The following UBTF variants were observed in gnomAD, a reference collection of about 807,000 sequenced individuals.
UBTF encodes the protein upstream binding transcription factor.
UBTF carries 8 observed loss-of-function variants against 112.3 expected under a neutral mutation model. That is an observed-to-expected ratio of 0.07 (90% CI 0.04 to 0.13). The LOEUF is 0.13. Among genes scored for constraint, UBTF ranks in the 10% least tolerant of loss-of-function variants. UBTF has a pLI of 1.00. For missense variants in UBTF, 457 were observed against 982.1 expected (o/e 0.47, Z 7.15); for synonymous variants, 417 against 373.1 (o/e 1.12, Z -1.36).
At chr17:44,208,861 C>G (rs937829511) in intron 17 of UBTF, 4 of 311,168 alleles carry the variant, frequency 1.3e-5, no homozygotes, top group African/African-American at 4.6e-5. Context: ...GTTACTTAAC[C>G]TCTCTGAGCC....
At position 44,210,912 on chromosome 17, in the gene UBTF, G is replaced by A; in HGVS notation, c.1239C>T (p.Ala413=). 1 of 1,606,594 alleles carries A rather than the reference G, an allele frequency of 6.2e-7. No homozygotes were observed. Among genetic ancestry groups the A allele is most frequent in the Non-Finnish European group, 8.5e-7 (1 of 1,178,018 alleles). Residue 413 remains alanine (A), a synonymous_variant, in exon 13 of 21, where the codon GCC becomes GCT. Transcript: ENST00000436088. ...GTTTCTCCTCCGAGAAGATGAACATGGCCGACACGGGCCGCTTGGGCTTCT... is the reference window on the plus strand; with the variant it reads ...GTTTCTCCTCCGAGAAGATGAACATAGCCGACACGGGCCGCTTGGGCTTCT... The part of the protein sequence containing the change: ...GSEKPKRPVS[A]MFIFSEEKRR...
intron 8 of UBTF, 68 bp from the exon 9 acceptor site, chr17:44,212,074 G>T: frequency 6.5e-7 from 1 of 1,545,136 alleles, no homozygotes; most frequent in Non-Finnish European, 8.8e-7. Context: ...GGCAGGGGGA[G>T]AGCCGCTGGG....
At chr17:44,208,038 C>T in intron 17 of UBTF, 127 bp from the exon 18 acceptor site, 5 of 1,227,560 alleles carry the variant, frequency 4.1e-6, no homozygotes, top group Non-Finnish European at 5.7e-6. Flanking sequence ...CTCCCAGGCT[C>T]CCTAGATTTT....
In UBTF at chr17:44,211,435, G is replaced by T; in HGVS notation, c.1048-104C>A. ...TTCAGCGGGCCTCCAGAGCCTGGGT[G>T]TGGGCTGGACTCCCTGCCTGGACGG... On this transcript the variant is annotated intron_variant, in intron 10 of 20. Transcript: ENST00000436088. This position sits in a 1 kb window ranked among gnomAD's most constrained non-coding sequence, Gnocchi z 4.9. 1 of 1,575,508 alleles carries T rather than the reference G, an allele frequency of 6.3e-7. No homozygotes were observed.
At position 44,211,835 on chromosome 17, in the gene UBTF, G is replaced by C; in HGVS notation, c.905+38C>G. 6.2e-7 allele frequency: 1 copy of C among 1,604,840 alleles called. No homozygotes were observed. Among genetic ancestry groups the C allele is most frequent in the Non-Finnish European group, 8.5e-7 (1 of 1,175,798 alleles). On this transcript the variant is annotated intron_variant, in intron 9 of 20. Coordinates refer to ENST00000436088, the MANE Select transcript of UBTF (RefSeq NM_014233.4). This position sits in a 1 kb window ranked among gnomAD's most constrained non-coding sequence, Gnocchi z 4.9. ...CTGCAGAGCCCAGCCCAACTTCCCA[G>C]CTGCCCACTCGCCCACCCATCCCAG...
At position 44,207,088 on chromosome 17, in the gene UBTF, T is replaced by C. The variant is rs1337776894; in HGVS notation, c.*154A>G. 5 of 863,618 alleles carry C rather than the reference T, an allele frequency of 5.8e-6. No individual in the cohort carries two copies. In the East Asian group the frequency reaches 1.1e-4, roughly 18 times the overall value. The allele number at this position is 863,618 out of a possible 1,614,324, so 53.5% of individuals were successfully genotyped here. On this transcript the variant is annotated 3_prime_UTR_variant, in exon 21 of 21. Transcript: ENST00000436088. Reference sequence around the variant, plus strand: ...CCTGGCCTGGGCTCCTCCAGCCCCCTACCCCCACCGTATTTTTTTTTTTTT... The same window carrying C: ...CCTGGCCTGGGCTCCTCCAGCCCCCCACCCCCACCGTATTTTTTTTTTTTT...
At position 44,211,131 on chromosome 17, in the gene UBTF, G is replaced by C. The variant is rs1309425864; in HGVS notation, c.1111C>G (p.Gln371Glu). Residue 371 changes from glutamine to glutamate, a missense_variant, in exon 12 of 21, where the codon CAG becomes GAG. Around this residue, in one of 7 missense-constraint regions of UBTF, gnomAD observed 87 missense variants for 286.6 expected, o/e 0.30. Coordinates refer to ENST00000436088, the MANE Select transcript of UBTF (RefSeq NM_014233.4). The surrounding 1 kb of genome is among the most constrained non-coding windows in gnomAD (Gnocchi z 4.9). ...ATCTTCTCTTCCCCCAAGACCCGCT[G>C]CTGCTCCTCCTCAGGCAGGCTCTGG... ...FLESLPEEEQQRVLGEEKMLN... is the reference protein window; with the variant it reads ...FLESLPEEEQERVLGEEKMLN... 6.2e-7 allele frequency: 1 copy of C among 1,613,204 alleles called. No homozygotes were observed.
intron 17 of UBTF, among the ~76,000 whole-genome samples, 163 bp from the exon 18 acceptor site, chr17:44,208,074 T>TC: frequency 6.7e-6 from 1 of 149,500 alleles, no homozygotes; most frequent in Admixed American, 6.7e-5. Flanking sequence ...GCCCCTGGGA[T>TC]CTGAGAACAC....
At position 44,207,114 on chromosome 17, in the gene UBTF, TTA is replaced by T; in HGVS notation, c.*126_*127del. The stretch of plus-strand genomic sequence containing the variant: ...ACCCCCACCGTATTTTTTTTTTTTT[TTA>T]AAGAAAGAAAGAAAGTGGGGGAGGC... On this transcript the variant is annotated 3_prime_UTR_variant, in exon 21 of 21. Coordinates refer to ENST00000436088, the MANE Select transcript of UBTF (RefSeq NM_014233.4). 2.0e-5 allele frequency: 21 copies of T among 1,053,592 alleles called. No homozygotes were observed. The highest frequency in any genetic ancestry group is 2.8e-5 in the Non-Finnish European group (21 of 745,038). 65.3% of individuals were successfully genotyped at this position (1,053,592 alleles called of 1,614,324 possible).
rs745330705 is a variant in UBTF at position 44,212,486 on chromosome 17, G to A, written c.661-32C>T. The A allele has an allele frequency of 1.1e-5, 8 of 723,684 alleles. No homozygotes were observed. In the East Asian group the frequency reaches 3.2e-4, roughly 29 times the overall value. The allele number at this position is 723,684 out of a possible 1,614,324, so 44.8% of individuals were successfully genotyped here. A position where few individuals can be genotyped will look rare whatever the true frequency, so the allele number is the denominator to read the frequency against. On this transcript the variant is annotated intron_variant, in intron 7 of 20. Coordinates refer to ENST00000436088, the MANE Select transcript of UBTF (RefSeq NM_014233.4). Reference sequence around the variant, plus strand: ...ACCAAAAGCCGTCAGACACGCACAGGCAGCCAGGGGCAGGGGGAGGGGGGA... The same window carrying A: ...ACCAAAAGCCGTCAGACACGCACAGACAGCCAGGGGCAGGGGGAGGGGGGA...
chr17:44,207,060 A>G lies in UBTF; in HGVS notation c.*182T>C. The G allele has an allele frequency of 1.5e-6, 1 of 650,836 alleles. No homozygotes were observed. Among genetic ancestry groups the G allele is most frequent in the South Asian group, 2.0e-5 (1 of 50,092 alleles). The allele number at this position is 650,836 out of a possible 1,614,324, so 40.3% of individuals were successfully genotyped here. A position where few individuals can be genotyped will look rare whatever the true frequency, so the allele number is the denominator to read the frequency against. ...AGGGCTGATGTCTCTGAGGCTGCAG[A>G]GTCCTGGCCTGGGCTCCTCCAGCCC... is the stretch of plus-strand genomic sequence containing the variant. On this transcript the variant is annotated 3_prime_UTR_variant, in exon 21 of 21. Transcript: ENST00000436088.
At chr17:44,212,081 T>C (rs1286041760) in intron 8 of UBTF, 75 bp from the exon 9 acceptor site, 1 of 1,428,242 alleles carries the variant, frequency 7.0e-7, no homozygotes. Context: ...GGAGAGCCGC[T>C]GGGGAGGGCA....
intron 5 of UBTF, among the ~76,000 whole-genome samples, chr17:44,214,326 G>C (rs1459401554): frequency 2.0e-5 from 3 of 152,208 alleles, no homozygotes; most frequent in African/African-American, 7.2e-5. Flanking sequence ...TTTTAGACCT[G>C]AAGGGGACCA....
rs1437330967 is a variant in UBTF, at chr17:44,212,023, G to C, written c.772-17C>G. On this transcript the variant is annotated splice_polypyrimidine_tract_variant and intron_variant, in intron 8 of 20. Coordinates refer to ENST00000436088, the MANE Select transcript of UBTF (RefSeq NM_014233.4). ...CATGATCTCCTGCAGAGCCAGGTGG[G>C]GGGACGGAGGGCAATGGGGTGTGGA... The C allele has an allele frequency of 6.2e-7, 1 of 1,611,558 alleles. No homozygotes were observed. Among genetic ancestry groups the C allele is most frequent in the African/African-American group, 1.3e-5 (1 of 74,956 alleles).
chr17:44,213,928 C>T (rs1362359276), intron 5 of UBTF, among the ~76,000 whole-genome samples: 2 of 152,072 alleles, frequency 1.3e-5, no homozygotes, highest in African/African-American at 4.8e-5. Context: ...CCTCCCTCAG[C>T]CCACTCATTC....
At chr17:44,212,768 C>A (rs766828319) in intron 7 of UBTF, 51 bp downstream of exon 7, 7 of 1,605,856 alleles carry the variant, frequency 4.4e-6, no homozygotes, top group Admixed American at 1.7e-5. Context: ...GCGGCTCCCC[C>A]CTGGCCACCG....
chr17:44,216,147 C>T (rs2046834028), intron 3 of UBTF, 158 bp from the exon 4 acceptor site: 1 of 671,950 alleles, frequency 1.5e-6, no homozygotes, highest in Admixed American at 2.5e-5. Flanking sequence ...GGCAGCATGA[C>T]ACCCAGGCAC....
chr17:44,218,022 G>T, intron 2 of UBTF, 150 bp downstream of exon 2: 1 of 833,140 alleles, frequency 1.2e-6, no homozygotes. Context: ...CCCCAAGTGT[G>T]GGAGATGCTT....
At chr17:44,213,887 G>C (rs1173983416) in intron 5 of UBTF, among the ~76,000 whole-genome samples, 1 of 152,030 alleles carries the variant, frequency 6.6e-6, no homozygotes, top group East Asian at 1.9e-4. Flanking sequence ...TCTTTCTCCA[G>C]GATCCTGGCT....
Sources: gnomAD v4.1 joint callset for allele counts (sites outside exome capture counted in the v4.1 genomes callset) on GRCh38, gnomAD v4.1.1 for gene constraint, gnomAD v4.1.1 regional missense constraint, Gnocchi (gnomAD v3.1) non-coding constraint, MANE v1.5 for transcripts, NCBI Gene and HGNC (gene_info 2026-07-23, HGNC 2026-07-21) for gene names.